CDKAL1: variants seen among roughly 807,000 people sequenced by gnomAD.
CDKAL1 encodes CDKAL1 threonylcarbamoyladenosine tRNA methylthiotransferase, also known as threonylcarbamoyladenosine tRNA methylthiotransferase.
Under a neutral mutation model 68.2 loss-of-function variants are expected in CDKAL1, and 32 were observed. That is an observed-to-expected ratio of 0.47 (90% CI 0.35 to 0.63). The LOEUF (loss-of-function observed/expected upper bound fraction) is 0.63. Among genes scored for constraint, CDKAL1 ranks in the 30% least tolerant of loss-of-function variants. The pLI is 0.00. For synonymous variants in CDKAL1, 234 were observed against 244.3 expected (o/e 0.96, Z 0.39); for missense variants, 606 against 696.7 (o/e 0.87, Z 1.47).
chr6:20,817,144 A>G (rs1310738437), intron 8 of CDKAL1, among the ~76,000 whole-genome samples: 2 of 152,132 alleles, frequency 1.3e-5, no homozygotes, highest in Non-Finnish European at 2.9e-5. Flanking sequence ...AGTTATTGGT[A>G]TAGTTGGAAG....
At chr6:20,672,172 C>G (rs950261919) in intron 5 of CDKAL1, among the ~76,000 whole-genome samples, 5 of 151,626 alleles carry the variant, frequency 3.3e-5, no homozygotes, top group Non-Finnish European at 7.4e-5. Context: ...GCCTCTCCCT[C>G]TCTTTCTCTT....
chr6:21,042,190 A>T (rs570198048), intron 11 of CDKAL1, among the ~76,000 whole-genome samples: 136 of 152,250 alleles, frequency 8.9e-4, no homozygotes, highest in Non-Finnish European at 1.7e-3. Context: ...AATGTCTCTT[A>T]CAAATTAAAT....
chr6:21,157,145 A>G (rs1776687319), intron 13 of CDKAL1, among the ~76,000 whole-genome samples: 1 of 152,214 alleles, frequency 6.6e-6, no homozygotes, highest in African/African-American at 2.4e-5. Context: ...GAGCTCTATG[A>G]CCTTGGAAAA....
chr6:20,660,076 GTTGA>G (rs753184427), intron 5 of CDKAL1, among the ~76,000 whole-genome samples: 54 of 152,042 alleles, frequency 3.6e-4, no homozygotes, highest in Non-Finnish European at 5.9e-4. Context: ...TGGCTAAATA[GTTGA>G]TCTCTGGAAC....
intron 13 of CDKAL1, among the ~76,000 whole-genome samples, chr6:21,173,512 G>GGT (rs1562091751): frequency 4.6e-5 from 7 of 152,312 alleles, no homozygotes; most frequent in African/African-American, 1.7e-4. Context: ...AAATGAACAT[G>GGT]CATTGACACT....
chr6:21,132,141 G>C (rs2051561333), intron 13 of CDKAL1, among the ~76,000 whole-genome samples: 2 of 151,980 alleles, frequency 1.3e-5, no homozygotes, highest in South Asian at 4.1e-4. Flanking sequence ...ATCAGCTTCT[G>C]GAAATCTATT....
chr6:20,536,342 A>G (rs1208183336), intron 2 of CDKAL1, among the ~76,000 whole-genome samples: 1 of 152,014 alleles, frequency 6.6e-6, no homozygotes, highest in Non-Finnish European at 1.5e-5. Context: ...ATTTGTGCTT[A>G]TGTTTTTTTC....
intron 4 of CDKAL1, among the ~76,000 whole-genome samples, chr6:20,571,388 T>C (rs971693984): frequency 2.0e-5 from 3 of 152,182 alleles, no homozygotes; most frequent in Non-Finnish European, 4.4e-5. Flanking sequence ...TGCAGTCTTA[T>C]CCTTGTAAGA....
chr6:20,710,280 C>T (rs530208161), intron 5 of CDKAL1, among the ~76,000 whole-genome samples: 6 of 152,210 alleles, frequency 3.9e-5, no homozygotes, highest in East Asian at 3.9e-4. Context: ...CCCATGATCC[C>T]GTGATGTTTC....
intron 7 of CDKAL1, among the ~76,000 whole-genome samples, chr6:20,760,773 T>C (rs965372999): frequency 6.6e-6 from 1 of 151,456 alleles, no homozygotes; most frequent in Non-Finnish European, 1.5e-5. Flanking sequence ...AGGTATATAC[T>C]GGCCACTCAA....
At chr6:20,996,745 T>C (rs1412849627) in intron 10 of CDKAL1, among the ~76,000 whole-genome samples, 1 of 152,202 alleles carries the variant, frequency 6.6e-6, no homozygotes, top group Non-Finnish European at 1.5e-5. Context: ...CACATGCTGT[T>C]GAAAAAATTT....
chr6:20,743,852 C>T (rs1194298122), intron 6 of CDKAL1, among the ~76,000 whole-genome samples: 1 of 152,066 alleles, frequency 6.6e-6, no homozygotes, highest in Non-Finnish European at 1.5e-5. Flanking sequence ...ACAATGGAAG[C>T]GGAGAGAGAA....
At chr6:20,668,934 T>C (rs1294562084) in intron 5 of CDKAL1, among the ~76,000 whole-genome samples, 1 of 152,194 alleles carries the variant, frequency 6.6e-6, no homozygotes, top group Non-Finnish European at 1.5e-5. Context: ...TCAGATGCTA[T>C]GCATTTTATC....
chr6:21,004,888 G>C (rs1020898926), intron 11 of CDKAL1, among the ~76,000 whole-genome samples: 12 of 152,136 alleles, frequency 7.9e-5, no homozygotes, highest in African/African-American at 2.9e-4. Context: ...CTGGAGCCTG[G>C]AAGTTGGAAG....
chr6:21,025,168 T>C (rs1395154639), intron 11 of CDKAL1, among the ~76,000 whole-genome samples: 1 of 152,246 alleles, frequency 6.6e-6, no homozygotes, highest in East Asian at 1.9e-4. Flanking sequence ...AATTTTGCTC[T>C]GGTTAAGTGC....
intron 8 of CDKAL1, 45 bp downstream of exon 8, chr6:20,781,310 A>G (rs772539408): frequency 2.1e-5 from 32 of 1,524,600 alleles, no homozygotes; most frequent in African/African-American, 2.8e-5. Flanking sequence ...AATATATTTC[A>G]TGAATTCAGT....
chr6:20,794,178 CT>C (rs1471845754), intron 8 of CDKAL1, among the ~76,000 whole-genome samples: 1 of 151,516 alleles, frequency 6.6e-6, no homozygotes, highest in African/African-American at 2.4e-5. Flanking sequence ...TCTGCTTTTT[CT>C]TTTGAGCCCA....
intron 8 of CDKAL1, among the ~76,000 whole-genome samples, chr6:20,843,915 C>G (rs188788590): frequency 2.0e-5 from 3 of 152,190 alleles, no homozygotes; most frequent in Non-Finnish European, 2.9e-5. Context: ...GAATGCCAGT[C>G]ATACGTGGGA....
intron 10 of CDKAL1, among the ~76,000 whole-genome samples, chr6:20,964,910 AT>A (rs1006195603): frequency 5.3e-5 from 8 of 152,200 alleles, no homozygotes; most frequent in African/African-American, 1.9e-4. Context: ...ACACACGGAT[AT>A]TTGTTCCCAA....
Sources: gnomAD v4.1 joint callset for allele counts (sites outside exome capture counted in the v4.1 genomes callset) on GRCh38, gnomAD v4.1.1 for gene constraint, MANE v1.5 for transcripts, NCBI Gene and HGNC (gene_info 2026-07-23, HGNC 2026-07-21) for gene names.